BBS12: variants seen among roughly 807,000 people sequenced by gnomAD.
BBS12 encodes the protein chaperonin-containing T-complex member BBS12.
In BBS12, 5 loss-of-function variants were observed where a neutral mutation model predicts 5.6. The observed-to-expected ratio is 0.89, with a 90% CI of 0.46 to 1.86. The LOEUF is 1.86. BBS12 is among the 40% of genes most tolerant of loss of function. BBS12 has a pLI of 0.01. For missense variants in BBS12, 748 were observed against 830.4 expected (o/e 0.90, Z 1.22); for synonymous variants, 308 against 306.8 (o/e 1.00, Z -0.04).
At chr4:122,702,318 G>A in the BBS12 span, among the ~76,000 whole-genome samples, 1 of 152,104 alleles carries the variant, frequency 6.6e-6, no homozygotes, top group Admixed American at 6.5e-5. Flanking sequence ...ATCATAATGG[G>A]GATTTGCTTC....
At chr4:122,710,218 C>G in the BBS12 span, among the ~76,000 whole-genome samples, 1 of 152,092 alleles carries the variant, frequency 6.6e-6, no homozygotes, top group Non-Finnish European at 1.5e-5. Flanking sequence ...TTTTTCATGC[C>G]AAAGGCGATG....
chr4:122,738,696 C>G (rs931402111), intron 1 of BBS12, among the ~76,000 whole-genome samples: 7 of 151,972 alleles, frequency 4.6e-5, no homozygotes, highest in Non-Finnish European at 1.0e-4. Flanking sequence ...TTTAAATGGT[C>G]AAAAGACTTG....
the BBS12 span, among the ~76,000 whole-genome samples, chr4:122,711,194 A>T: frequency 1.3e-5 from 2 of 152,204 alleles, no homozygotes; most frequent in Admixed American, 1.3e-4. Context: ...ATGAGGAGGA[A>T]TCACTTTAGC....
rs748009027 is a variant in BBS12 at position 122,743,799 on chromosome 4, T to C, written c.1907T>C (p.Ile636Thr). 3.1e-6 allele frequency: 5 copies of C among 1,613,514 alleles called. No individual in the cohort carries two copies. The African/African-American group carries it at 6.7e-5, about 22-fold the overall frequency. ...ATDSGSPSSY[I>T]LNEYSKLNSR... The stretch of plus-strand genomic sequence containing the variant: ...GACTCTGGCTCTCCTTCATCTTACA[T>C]CTTGAATGAATATAGTAAACTAAAT... The change falls in exon 2 of 2, where the codon ATC (isoleucine) becomes ACC (threonine). Residue 636 changes from isoleucine to threonine, a missense_variant. Transcript: ENST00000314218.
chr4:122,702,675 A>C, the BBS12 span, among the ~76,000 whole-genome samples: 13,606 of 152,220 alleles, frequency 0.089, 1,632 homozygotes, highest in African/African-American at 0.27. Flanking sequence ...ACCCAAATAA[A>C]CCCTTTATTC....
intron 1 of BBS12, among the ~76,000 whole-genome samples, chr4:122,740,732 TGTCTA>T (rs1164556512): frequency 2.0e-5 from 3 of 152,240 alleles, no homozygotes; most frequent in Non-Finnish European, 1.5e-5. Flanking sequence ...GTCTGGTACT[TGTCTA>T]GTCAGTCCTC....
intron 1 of BBS12, among the ~76,000 whole-genome samples, chr4:122,734,551 C>T (rs2150732284): frequency 6.6e-6 from 1 of 152,262 alleles, no homozygotes; most frequent in African/African-American, 2.4e-5. Context: ...CAGGCGTGAG[C>T]AACTGCGCCC....
In BBS12 at chr4:122,743,970, G is replaced by C; in HGVS notation, c.2078G>C (p.Gly693Ala). ...VLQTDSEIIT[G>A]HGHTQINSQE... ...CAGACAGACAGTGAAATAATTACTGGACATGGACACACACAGATAAATTCA... is the reference window on the plus strand; with the variant it reads ...CAGACAGACAGTGAAATAATTACTGCACATGGACACACACAGATAAATTCA... The change falls in exon 2 of 2, where the codon GGA becomes GCA. Residue 693 changes from glycine (G) to alanine (A), a missense_variant. Transcript: ENST00000314218. The C allele has an allele frequency of 1.9e-6, 3 of 1,613,886 alleles. No individual in the cohort carries two copies. Among genetic ancestry groups the C allele is most frequent in the Non-Finnish European group, 2.5e-6 (3 of 1,179,936 alleles).
rs1292856552 is a variant in BBS12, at chr4:122,744,218, T to C, written c.*193T>C. ...GCTAACAAGTTAGCCTGTTACTGTT[T>C]CGTGGGATGCTACAGAATGCATAAG... On this transcript the variant is annotated 3_prime_UTR_variant, in exon 2 of 2. Coordinates refer to ENST00000314218, the MANE Select transcript of BBS12 (RefSeq NM_152618.3). The C allele has an allele frequency of 1.6e-6, 1 of 617,354 alleles. No individual in the cohort carries two copies. The highest frequency in any genetic ancestry group is 2.9e-6 in the Non-Finnish European group (1 of 350,666). 38.2% of individuals were successfully genotyped at this position (617,354 alleles called of 1,614,324 possible).
chr4:122,701,137 T>C, the BBS12 span, among the ~76,000 whole-genome samples: 1 of 152,234 alleles, frequency 6.6e-6, no homozygotes, highest in Non-Finnish European at 1.5e-5. Context: ...ACTAAAAGGA[T>C]ATTCTTGATG....
At chr4:122,713,157 A>G in the BBS12 span, among the ~76,000 whole-genome samples, 16 of 152,160 alleles carry the variant, frequency 1.1e-4, no homozygotes, top group Non-Finnish European at 1.6e-4. Context: ...ACTGTTATAT[A>G]TATGTGGCTA....
At chr4:122,718,763 A>AAATGAAAT in the BBS12 span, among the ~76,000 whole-genome samples, 1 of 111,424 alleles carries the variant, frequency 9.0e-6, no homozygotes, top group Non-Finnish European at 2.0e-5. Context: ...TGAAATGAAA[A>AAATGAAAT]AGGTCATCCA....
At chr4:122,715,728 C>A in the BBS12 span, among the ~76,000 whole-genome samples, 11 of 152,172 alleles carry the variant, frequency 7.2e-5, no homozygotes, top group Admixed American at 3.3e-4. Context: ...GTAAAAGAAA[C>A]CTACACATTT....
the BBS12 span, among the ~76,000 whole-genome samples, chr4:122,708,297 G>C: frequency 0.025 from 3,858 of 152,156 alleles, 79 homozygotes; most frequent in African/African-American, 0.051. Context: ...TACAGAAATG[G>C]GGATGTGTCT....
At chr4:122,705,765 T>TA in the BBS12 span, among the ~76,000 whole-genome samples, 1 of 152,220 alleles carries the variant, frequency 6.6e-6, no homozygotes, top group Non-Finnish European at 1.5e-5. Flanking sequence ...CATGTACAGT[T>TA]AATGTGAAAA....
the BBS12 span, among the ~76,000 whole-genome samples, chr4:122,706,589 C>T: frequency 6.6e-6 from 1 of 152,138 alleles, no homozygotes; most frequent in African/African-American, 2.4e-5. Flanking sequence ...AAAAAAATTC[C>T]TAAGACTCAT....
At chr4:122,716,604 C>CATATGTATATATAA in the BBS12 span, among the ~76,000 whole-genome samples, 1 of 108,198 alleles carries the variant, frequency 9.2e-6, no homozygotes, top group Non-Finnish European at 1.7e-5. Context: ...TATGTATACA[C>CATATGTATATATAA]ACATGTGTGT....
At chr4:122,714,457 A>G in the BBS12 span, among the ~76,000 whole-genome samples, 1 of 151,582 alleles carries the variant, frequency 6.6e-6, no homozygotes, top group Non-Finnish European at 1.5e-5. Context: ...CAAAATACAT[A>G]TTCATCATAC....
chr4:122,724,897 G>T, the BBS12 span, among the ~76,000 whole-genome samples: 1 of 152,158 alleles, frequency 6.6e-6, no homozygotes, highest in South Asian at 2.1e-4. Context: ...CCTTACTCCA[G>T]TATGGGCTTA....
Sources: gnomAD v4.1 joint callset for allele counts (sites outside exome capture counted in the v4.1 genomes callset) on GRCh38, gnomAD v4.1.1 for gene constraint, MANE v1.5 for transcripts, NCBI Gene and HGNC (gene_info 2026-07-23, HGNC 2026-07-21) for gene names.